Variants in DLGAP1 observed in about 807,000 individuals in gnomAD.
DLGAP1 encodes DLG associated protein 1.
DLGAP1 carries 11 observed loss-of-function variants against 90.8 expected under a neutral mutation model. The ratio of observed to expected loss-of-function variants is 0.12; its 90% confidence interval spans 0.08 to 0.20. The LOEUF is 0.20. DLGAP1 is among the 10% of genes least tolerant of loss of function. The pLI is 1.00. For synonymous variants in DLGAP1, 558 were observed against 540.7 expected, an observed-to-expected ratio of 1.03 and a Z score of -0.44; for missense variants, 1,050 against 1,333.8, an observed-to-expected ratio of 0.79 and a Z score of 3.31.
chr18:3,814,325 C>T (rs981545850), intron 4 of DLGAP1, 52 bp from the exon 5 acceptor site: 632 of 1,270,700 alleles, frequency 5.0e-4, no homozygotes, highest in African/African-American at 1.9e-3. Flanking sequence ...CTACCTTTTT[C>T]TTTTCTTTTT....
At chr18:3,613,158 C>G (rs1444391847) in intron 7 of DLGAP1, among the ~76,000 whole-genome samples, 1 of 151,920 alleles carries the variant, frequency 6.6e-6, no homozygotes, top group Non-Finnish European at 1.5e-5. Context: ...TTTTCTATTG[C>G]TAATGTAAGA....
At chr18:3,733,452 C>T (rs2062520140) in intron 6 of DLGAP1, among the ~76,000 whole-genome samples, 1 of 152,152 alleles carries the variant, frequency 6.6e-6, no homozygotes, top group South Asian at 2.1e-4. Context: ...AGGTGCTCAG[C>T]CATGCAATTA....
chr18:3,637,701 T>C (rs2058768531), intron 7 of DLGAP1, among the ~76,000 whole-genome samples: 1 of 151,980 alleles, frequency 6.6e-6, no homozygotes, highest in Admixed American at 6.6e-5. Context: ...GAGCCATGAT[T>C]GTGCCACTGC....
chr18:4,434,820 GAAGT>G (rs2083365158), intron 1 of DLGAP1, among the ~76,000 whole-genome samples: 1 of 152,190 alleles, frequency 6.6e-6, no homozygotes, highest in Non-Finnish European at 1.5e-5. Context: ...TGCAGAAAAG[GAAGT>G]AAGGACATCC....
intron 2 of DLGAP1, among the ~76,000 whole-genome samples, chr18:4,097,844 G>A (rs2075709240): frequency 1.3e-5 from 2 of 152,180 alleles, no homozygotes; most frequent in African/African-American, 4.8e-5. Flanking sequence ...ATTTTTCTAC[G>A]AAGGAGGAAG....
intron 7 of DLGAP1, among the ~76,000 whole-genome samples, chr18:3,678,137 T>G (rs2060379037): frequency 6.6e-6 from 1 of 150,484 alleles, no homozygotes; most frequent in South Asian, 2.1e-4. Context: ...AATTTTTGTA[T>G]TTTTAGTAGA....
intron 3 of DLGAP1, among the ~76,000 whole-genome samples, chr18:3,919,986 T>C (rs560396931): frequency 4.1e-4 from 63 of 152,348 alleles, no homozygotes; most frequent in African/African-American, 1.4e-3. Context: ...CAGGATGTTA[T>C]AGACCTGAGA....
At chr18:4,376,712 G>T (rs193236734) in intron 1 of DLGAP1, among the ~76,000 whole-genome samples, 1 of 152,112 alleles carries the variant, frequency 6.6e-6, no homozygotes, top group Non-Finnish European at 1.5e-5. Flanking sequence ...CTGAGCACTT[G>T]GTCAGTGATT....
At chr18:3,645,449 A>G (rs1308561382) in intron 7 of DLGAP1, among the ~76,000 whole-genome samples, 1 of 152,090 alleles carries the variant, frequency 6.6e-6, no homozygotes, top group Non-Finnish European at 1.5e-5. Flanking sequence ...AGCATTCCCA[A>G]CTTCATGCCT....
Position 3,587,498 on chromosome 18 carries a change from A to G in DLGAP1, c.1592-5250T>C, listed in dbSNP as rs544218775. ...ACGCACCAATCGGCACTCTGTAAAA[A>G]CGGACCAATCAACACTCTGTAAAAC... On this transcript the variant is annotated intron_variant, in intron 7 of 12. Coordinates refer to ENST00000315677, the MANE Select transcript of DLGAP1 (RefSeq NM_004746.4). Among the ~76,000 whole-genome samples, 4 of 152,252 alleles carry G rather than the reference A, an allele frequency of 2.6e-5. No individual in the cohort carries two copies. In the South Asian group the frequency reaches 8.3e-4, roughly 32 times the overall value.
chr18:3,704,229 T>A (rs2061367671), intron 7 of DLGAP1, among the ~76,000 whole-genome samples: 1 of 152,168 alleles, frequency 6.6e-6, no homozygotes, highest in South Asian at 2.1e-4. Context: ...GAGACCATGC[T>A]TCCTTTCAGG....
intron 9 of DLGAP1, among the ~76,000 whole-genome samples, chr18:3,544,932 T>C (rs2052925616): frequency 1.3e-5 from 2 of 151,952 alleles, no homozygotes; most frequent in Non-Finnish European, 2.9e-5. Flanking sequence ...AATTCTATTT[T>C]GTATATATAC....
At chr18:3,898,074 G>T (rs186796236) in intron 3 of DLGAP1, among the ~76,000 whole-genome samples, 3 of 152,184 alleles carry the variant, frequency 2.0e-5, no homozygotes, top group African/African-American at 4.8e-5. Flanking sequence ...GATTACAGGC[G>T]TGAGCCACTG....
intron 3 of DLGAP1, among the ~76,000 whole-genome samples, chr18:3,965,676 G>A (rs1325807920): frequency 1.3e-5 from 2 of 152,060 alleles, no homozygotes; most frequent in East Asian, 1.9e-4. Context: ...GGCCAGGCAC[G>A]GTGACTCACA....
chr18:3,736,305 T>C (rs1380597622), intron 6 of DLGAP1, among the ~76,000 whole-genome samples: 3 of 152,214 alleles, frequency 2.0e-5, no homozygotes, highest in Admixed American at 2.0e-4. Flanking sequence ...CATTTTAAAT[T>C]AGATGTACCT....
chr18:4,350,064 ACTT>A (rs1376298973), intron 1 of DLGAP1, among the ~76,000 whole-genome samples: 1 of 152,168 alleles, frequency 6.6e-6, no homozygotes, highest in East Asian at 1.9e-4. Flanking sequence ...CTGAGATTGC[ACTT>A]CTTCATAAAA....
intron 1 of DLGAP1, among the ~76,000 whole-genome samples, chr18:4,407,608 C>T (rs548480232): frequency 9.0e-4 from 137 of 151,988 alleles, no homozygotes; most frequent in Non-Finnish European, 1.4e-3. Context: ...GCCGAGTGCG[C>T]TGGCTCACGC....
chr18:4,167,672 T>C (rs1370307372), intron 1 of DLGAP1, among the ~76,000 whole-genome samples: 6 of 152,102 alleles, frequency 3.9e-5, no homozygotes, highest in Non-Finnish European at 8.8e-5. Flanking sequence ...AACAACACAG[T>C]GAAATAACAG....
intron 7 of DLGAP1, among the ~76,000 whole-genome samples, chr18:3,638,192 C>A (rs982687156): frequency 8.6e-5 from 13 of 151,556 alleles, no homozygotes; most frequent in African/African-American, 3.2e-4. Context: ...CATGATCCGC[C>A]CACCTAGGCC....
Sources: gnomAD v4.1 joint callset for allele counts (sites outside exome capture counted in the v4.1 genomes callset) on GRCh38, gnomAD v4.1.1 for gene constraint, MANE v1.5 for transcripts, NCBI Gene and HGNC (gene_info 2026-07-23, HGNC 2026-07-21) for gene names.